LRIF1: variants seen among roughly 807,000 people sequenced by gnomAD.
The protein encoded by LRIF1 is ligand dependent nuclear receptor interacting factor 1.
A neutral mutation model predicts 52.7 loss-of-function variants in LRIF1; 32 were observed. The ratio of observed to expected loss-of-function variants is 0.61; its 90% confidence interval spans 0.46 to 0.82. The LOEUF (loss-of-function observed/expected upper bound fraction) is 0.82. LRIF1 is among the 40% of genes least tolerant of loss of function. The pLI is 0.00. For missense variants in LRIF1, 887 were observed against 892.0 expected, an observed-to-expected ratio of 0.99 and a Z score of 0.07; for synonymous variants, 323 against 317.4, an observed-to-expected ratio of 1.02 and a Z score of -0.19.
At chr1:110,946,395 T>C (rs1293141539), downstream of LRIF1, among the ~76,000 whole-genome samples, 1 of 152,198 alleles carries the variant, frequency 6.6e-6, no homozygotes, top group Non-Finnish European at 1.5e-5. Context: ...TTTGAACATT[T>C]TGAAAATGTT....
the LRIF1 span, among the ~76,000 whole-genome samples, chr1:110,909,184 T>C: frequency 1.3e-5 from 2 of 152,130 alleles, no homozygotes; most frequent in African/African-American, 4.8e-5. Flanking sequence ...TTAAGAAAAT[T>C]TGTTACCACC....
At chr1:110,894,190 A>G in the LRIF1 span, 2 of 706,058 alleles carry the variant, frequency 2.8e-6, no homozygotes, top group Admixed American at 4.6e-5. Flanking sequence ...AAAACAAAAG[A>G]AGGCTTACAA....
At chr1:110,902,077 TCTA>T in the LRIF1 span, among the ~76,000 whole-genome samples, 3 of 152,238 alleles carry the variant, frequency 2.0e-5, no homozygotes, top group Non-Finnish European at 4.4e-5. Flanking sequence ...CCTTCAATAG[TCTA>T]CTATCTGCTC....
At chr1:110,890,873 A>C in the LRIF1 span, among the ~76,000 whole-genome samples, 2 of 152,258 alleles carry the variant, frequency 1.3e-5, no homozygotes, top group Non-Finnish European at 2.9e-5. Flanking sequence ...ATGTTTCTGC[A>C]ATAAAAGAAT....
chr1:110,912,414 G>A, the LRIF1 span, among the ~76,000 whole-genome samples: 3 of 152,122 alleles, frequency 2.0e-5, no homozygotes, highest in African/African-American at 7.2e-5. Context: ...GTTTCACCAT[G>A]TTGGCCAAGC....
downstream of LRIF1, chr1:110,943,605 C>A (rs1658138160): frequency 6.6e-6 from 1 of 151,966 alleles, no homozygotes; most frequent in Non-Finnish European, 1.5e-5. Flanking sequence ...TAACTAAAAT[C>A]ATTTTTTTAA....
At chr1:110,962,300 T>TA (rs1282916456) in intron 1 of LRIF1, among the ~76,000 whole-genome samples, 4 of 150,592 alleles carry the variant, frequency 2.7e-5, no homozygotes, top group South Asian at 2.1e-4. Context: ...ACCACAAAAT[T>TA]AAAAAAAAGA....
chr1:110,896,189 T>G, the LRIF1 span, among the ~76,000 whole-genome samples: 1 of 152,228 alleles, frequency 6.6e-6, no homozygotes, highest in African/African-American at 2.4e-5. Flanking sequence ...CTCGAGTATT[T>G]TGGTATCAGG....
the LRIF1 span, among the ~76,000 whole-genome samples, chr1:110,877,217 T>C: frequency 6.6e-6 from 1 of 152,230 alleles, no homozygotes; most frequent in African/African-American, 2.4e-5. Context: ...AGTTCTTTTT[T>C]AGAATGTTTC....
chr1:110,937,893 T>C, the LRIF1 span: 1 of 152,060 alleles, frequency 6.6e-6, no homozygotes, highest in African/African-American at 2.4e-5. Context: ...CAACTGATAC[T>C]GCAGAAATTC....
At chr1:110,903,679 A>G in the LRIF1 span, among the ~76,000 whole-genome samples, 8,186 of 152,290 alleles carry the variant, frequency 0.054, 275 homozygotes, top group East Asian at 0.14. Flanking sequence ...CTTGTTTCAG[A>G]TGAGATTCAG....
the LRIF1 span, among the ~76,000 whole-genome samples, chr1:110,933,757 C>T: frequency 6.6e-6 from 1 of 152,120 alleles, no homozygotes. Context: ...AAAGGCAGTC[C>T]AGGCTATAAG....
the LRIF1 span, among the ~76,000 whole-genome samples, chr1:110,902,495 TAAAA>T: frequency 3.0e-4 from 22 of 72,660 alleles, no homozygotes; most frequent in African/African-American, 1.5e-3. Flanking sequence ...AATCAATCAC[TAAAA>T]AAAAAAAAAA....
chr1:110,918,692 C>G, the LRIF1 span, among the ~76,000 whole-genome samples: 3 of 152,052 alleles, frequency 2.0e-5, no homozygotes, highest in African/African-American at 7.2e-5. Context: ...ACATCAGCAC[C>G]CAAAAATGTA....
chr1:110,886,044 A>T, the LRIF1 span, among the ~76,000 whole-genome samples: 23 of 152,046 alleles, frequency 1.5e-4, no homozygotes, highest in African/African-American at 5.3e-4. Context: ...TGTAGTATGG[A>T]TCTACTGATG....
At chr1:110,940,915 C>T in the LRIF1 span, 1 of 151,996 alleles carries the variant, frequency 6.6e-6, no homozygotes, top group Non-Finnish European at 1.5e-5. Context: ...TATTTGATAG[C>T]ACAATAGCAT....
At chr1:110,907,549 T>C in the LRIF1 span, among the ~76,000 whole-genome samples, 1 of 152,068 alleles carries the variant, frequency 6.6e-6, no homozygotes, top group Non-Finnish European at 1.5e-5. Context: ...CTGGCCAAGA[T>C]GGTGAAACCC....
In LRIF1 at chr1:110,960,860, T is replaced by C. The variant is rs1392738223; in HGVS notation, c.68+2761A>G. ...ACAACTGAAATAGGATCCTTATATG[T>C]AGATCACTCACCCTCAAATCCAGAC... On this transcript the variant is annotated intron_variant, in intron 1 of 3. Transcript: ENST00000369763. Among the ~76,000 whole-genome samples, 5 of 152,334 alleles carry C rather than the reference T, an allele frequency of 3.3e-5. No individual in the cohort carries two copies. In the East Asian group the frequency reaches 9.6e-4, roughly 29 times the overall value.
the LRIF1 span, among the ~76,000 whole-genome samples, chr1:110,916,516 A>G: frequency 6.6e-6 from 1 of 152,176 alleles, no homozygotes; most frequent in Non-Finnish European, 1.5e-5. Flanking sequence ...GATACCAAAA[A>G]AGAAATATTG....
Sources: allele counts gnomAD v4.1 joint callset (sites outside exome capture counted in the v4.1 genomes callset), GRCh38; gene constraint gnomAD v4.1.1; transcripts MANE v1.5; gene names NCBI Gene and HGNC (gene_info 2026-07-23, HGNC 2026-07-21).